Variants in FRAS1 observed in about 807,000 individuals in gnomAD.
FRAS1 encodes Fraser extracellular matrix complex subunit 1, also known as extracellular matrix organizing protein FRAS1.
FRAS1 carries 290 observed loss-of-function variants against 435.2 expected under a neutral mutation model. The ratio of observed to expected loss-of-function variants is 0.67; its 90% CI spans 0.61 to 0.73. FRAS1 has a LOEUF of 0.73. Among genes scored for constraint, FRAS1 ranks in the 30% least tolerant of loss-of-function variants. FRAS1 has a pLI of 0.00. For synonymous variants in FRAS1, 1,800 were observed against 1,851.0 expected, an observed-to-expected ratio of 0.97 and a Z score of 0.71; for missense variants, 4,860 against 5,001.5, an observed-to-expected ratio of 0.97 and a Z score of 0.85.
At position 78,496,872 on chromosome 4, in the gene FRAS1, A is replaced by T. The variant is rs1337564734; in HGVS notation, c.9026A>T (p.Tyr3009Phe). The T allele has an allele frequency of 6.2e-7, 1 of 1,613,798 alleles. No homozygotes were observed. Among genetic ancestry groups the T allele is most frequent in the Admixed American group, 1.7e-5 (1 of 60,004 alleles). The change falls in exon 60 of 74, where the codon TAC (tyrosine) becomes TTC (phenylalanine). Residue 3009 changes from tyrosine (Y) to phenylalanine (F), a missense_variant. Coordinates refer to ENST00000512123, the MANE Select transcript of FRAS1 (RefSeq NM_025074.7). ...GAGCCAGAGGAACAGTTCAGGGTCT[A>T]CCTCGGCCTTCCTCTTGGAAACCAC... ...MFEPEEQFRV[Y>F]LGLPLGNHWS...
chr4:78,416,873 T>G (rs1733576285), intron 32 of FRAS1, among the ~76,000 whole-genome samples: 1 of 152,036 alleles, frequency 6.6e-6, no homozygotes, highest in South Asian at 2.1e-4. Context: ...GGGGAGAGAC[T>G]GTGGCCCTCA....
At chr4:78,211,907 AG>A (rs1328453537) in intron 2 of FRAS1, among the ~76,000 whole-genome samples, 1 of 151,930 alleles carries the variant, frequency 6.6e-6, no homozygotes, top group Non-Finnish European at 1.5e-5. Context: ...TCTCTCTCAA[AG>A]TTTGCCTATT....
chr4:78,335,577 C>T (rs1014671510), intron 19 of FRAS1, among the ~76,000 whole-genome samples: 6 of 152,298 alleles, frequency 3.9e-5, no homozygotes, highest in East Asian at 3.9e-4. Flanking sequence ...ATGGCTTATG[C>T]ACACAGTTAG....
chr4:78,176,781 T>A (rs928720024), intron 2 of FRAS1, among the ~76,000 whole-genome samples: 1 of 152,202 alleles, frequency 6.6e-6, no homozygotes, highest in African/African-American at 2.4e-5. Context: ...TAAGTTTTCA[T>A]ACAAGTTGTT....
chr4:78,155,524 T>G (rs1720848506), intron 2 of FRAS1, among the ~76,000 whole-genome samples: 1 of 152,212 alleles, frequency 6.6e-6, no homozygotes, highest in South Asian at 2.1e-4. Context: ...AGAACTATTA[T>G]TTCTGTTGTG....
intron 59 of FRAS1, among the ~76,000 whole-genome samples, chr4:78,490,302 A>G (rs1349800888): frequency 1.3e-5 from 2 of 152,186 alleles, no homozygotes; most frequent in Non-Finnish European, 2.9e-5. Context: ...TGGACCAAGC[A>G]GACCTAATAG....
rs1253856078 is a variant in FRAS1 at position 78,540,647 on chromosome 4, C to T, written c.11562C>T (p.Asp3854=). 5.0e-6 allele frequency: 8 copies of T among 1,608,146 alleles called. No homozygotes were observed. The highest frequency in any genetic ancestry group is 5.9e-6 in the Non-Finnish European group (7 of 1,176,940). ...LTAPLRRNRR[D]LVEPDGQLIL... is the part of the protein sequence containing the mutation. ...CTCCACTCAGACGCAACCGAAGGGA[C>T]CTGGTAGAGCCCGATGGCCAGCTGA... The change falls in exon 74 of 74, where the codon GAC becomes GAT. Residue 3854 remains aspartate, a synonymous_variant. Transcript: ENST00000512123.
chr4:78,398,733 G>A (rs12641549), intron 29 of FRAS1, among the ~76,000 whole-genome samples: 21,241 of 152,064 alleles, frequency 0.14, 1,871 homozygotes, highest in African/African-American at 0.25. Context: ...GCCTGTAATC[G>A]CAACACTTTG....
chr4:78,417,425 C>A (rs1481037497), intron 32 of FRAS1, among the ~76,000 whole-genome samples: 1 of 152,076 alleles, frequency 6.6e-6, no homozygotes, highest in Admixed American at 6.5e-5. Flanking sequence ...ACTTTTTTGT[C>A]TGTTAGTTGT....
chr4:78,287,104 A>G (rs1271959381), intron 14 of FRAS1, among the ~76,000 whole-genome samples: 5 of 152,154 alleles, frequency 3.3e-5, no homozygotes, highest in African/African-American at 7.2e-5. Context: ...CAATCATGGC[A>G]GAAGGCAAAG....
At chr4:78,381,718 G>A (rs551569891) in intron 27 of FRAS1, among the ~76,000 whole-genome samples, 1 of 152,262 alleles carries the variant, frequency 6.6e-6, no homozygotes, top group Non-Finnish European at 1.5e-5. Flanking sequence ...CAACCCTCTT[G>A]TCTATTTAAC....
chr4:78,373,842 A>C (rs932479796), intron 24 of FRAS1, among the ~76,000 whole-genome samples: 1 of 152,162 alleles, frequency 6.6e-6, no homozygotes, highest in African/African-American at 2.4e-5. Context: ...TTTATCTAGC[A>C]TTTTCCATGG....
intron 3 of FRAS1, among the ~76,000 whole-genome samples, chr4:78,243,035 T>C (rs1213079209): frequency 6.6e-6 from 1 of 152,204 alleles, no homozygotes; most frequent in Admixed American, 6.5e-5. Context: ...TGTCAGAAGC[T>C]ATCCTGTCTA....
chr4:78,217,908 C>T lies in FRAS1; in HGVS notation c.109-19602C>T, dbSNP rs866146856. Reference sequence around the variant, plus strand: ...CTTCCCCTCTCCTCTCTTCCCCTCCCCCTCTCCTCTCTTGCCCTCCCCTTC... The same window carrying T: ...CTTCCCCTCTCCTCTCTTCCCCTCCTCCTCTCCTCTCTTGCCCTCCCCTTC... On this transcript the variant is annotated intron_variant, in intron 2 of 73. Coordinates refer to ENST00000512123, the MANE Select transcript of FRAS1 (RefSeq NM_025074.7). 2.3e-3 allele frequency among the ~76,000 whole-genome samples: 67 copies of T among 29,472 alleles called. 1 individual carries two copies. The highest frequency in any genetic ancestry group is 2.9e-3 in the Non-Finnish European group (42 of 14,280). The allele number at this position is 29,472 out of a possible 152,430, so 19.3% of individuals were successfully genotyped here.
intron 18 of FRAS1, among the ~76,000 whole-genome samples, chr4:78,330,527 T>C (rs1368957446): frequency 3.3e-5 from 5 of 152,116 alleles, no homozygotes; most frequent in African/African-American, 1.2e-4. Flanking sequence ...ATGGGAGAAA[T>C]ATCGCTGAAT....
At chr4:78,464,178 G>T in intron 48 of FRAS1, 33 bp downstream of exon 48, 1 of 1,587,228 alleles carries the variant, frequency 6.3e-7, no homozygotes, top group Non-Finnish European at 8.5e-7. Flanking sequence ...TCCTTGAAAA[G>T]TATTGATTCC....
chr4:78,157,842 T>A (rs552597750), intron 2 of FRAS1, among the ~76,000 whole-genome samples: 111 of 150,402 alleles, frequency 7.4e-4, no homozygotes, highest in African/African-American at 2.6e-3. Context: ...TCAATTTTTG[T>A]TTTTGTTGCA....
intron 66 of FRAS1, among the ~76,000 whole-genome samples, chr4:78,518,353 T>C (rs1721273213): frequency 6.7e-6 from 1 of 149,804 alleles, no homozygotes; most frequent in African/African-American, 2.5e-5. Flanking sequence ...AAAATATAAG[T>C]CCCATAGTAT....
chr4:78,274,055 G>T (rs1220121057), intron 9 of FRAS1, among the ~76,000 whole-genome samples: 1 of 152,162 alleles, frequency 6.6e-6, no homozygotes, highest in East Asian at 1.9e-4. Flanking sequence ...GGGTGTATGT[G>T]TCCAGGAATT....
Sources: allele counts gnomAD v4.1 joint callset (sites outside exome capture counted in the v4.1 genomes callset), GRCh38; gene constraint gnomAD v4.1.1; transcripts MANE v1.5; gene names NCBI Gene and HGNC (gene_info 2026-07-23, HGNC 2026-07-21).